Variants in USP39 observed in about 807,000 individuals in gnomAD.
USP39 encodes ubiquitin specific peptidase 39.
Under a neutral mutation model 66.4 loss-of-function variants are expected in USP39, and 38 were observed. The ratio of observed to expected loss-of-function variants is 0.57; its 90% CI spans 0.44 to 0.75. The LOEUF (loss-of-function observed/expected upper bound fraction) is 0.75. Ranked by LOEUF, USP39 falls within the 30% of genes least tolerant of loss-of-function variation. The pLI, the probability that USP39 is intolerant of heterozygous loss-of-function variation, is 0.00. For missense variants in USP39, 608 were observed against 714.4 expected, an observed-to-expected ratio of 0.85 and a Z score of 1.70; for synonymous variants, 303 against 274.6, an observed-to-expected ratio of 1.10 and a Z score of -1.02.
chr2:85,619,139 T>G, intron 1 of USP39, 81 bp from the exon 2 acceptor site: 1 of 1,485,992 alleles, frequency 6.7e-7, no homozygotes, highest in Non-Finnish European at 9.3e-7. Context: ...TTTTTCCCAT[T>G]TCTGTTTCTT....
At chr2:85,616,663 T>C (rs1673992323) in intron 1 of USP39, among the ~76,000 whole-genome samples, 200 bp downstream of exon 1, 1 of 142,972 alleles carries the variant, frequency 7.0e-6, no homozygotes, top group South Asian at 2.2e-4. Context: ...AATAATCGTA[T>C]AGTATTTCTT....
At chr2:85,633,215 A>AG (rs1297059267) in intron 6 of USP39, among the ~76,000 whole-genome samples, 1 of 151,684 alleles carries the variant, frequency 6.6e-6, no homozygotes, top group East Asian at 1.9e-4. Context: ...CTGTCTCCCC[A>AG]GTTCAAGCTA....
intron 9 of USP39, chr2:85,639,714 TG>T (rs1676083469): frequency 4.9e-6 from 1 of 203,278 alleles, no homozygotes; most frequent in Non-Finnish European, 1.0e-5. Flanking sequence ...CCCAAAGTGC[TG>T]GGATTACAGG....
chr2:85,639,285 T>G lies in USP39; in HGVS notation c.1178T>G (p.Leu393Arg), dbSNP rs770765564. 6.2e-7 allele frequency: 1 copy of G among 1,614,016 alleles called. No homozygotes were observed. The highest frequency in any genetic ancestry group is 8.5e-7 in the Non-Finnish European group (1 of 1,180,018). ...GAGTCCACTTTTATGTACCTGACGC[T>G]GGACCTTCCTACTGCCCCCCTCTAC... is the stretch of plus-strand genomic sequence containing the variant. ...MVESTFMYLT[L>R]DLPTAPLYKD... The change falls in exon 9 of 13, where the codon CTG becomes CGG. Residue 393 changes from leucine to arginine, a missense_variant. Physicochemically the swap from Leu to Arg is moderately radical, Grantham distance 102. This residue lies in a region of USP39 where 164 missense variants were observed against 250.3 expected (regional missense o/e 0.66). Transcript: ENST00000323701.
In USP39 at chr2:85,645,299, CAG is replaced by C. The variant is rs905415270; in HGVS notation, c.1563+217_1563+218del. On this transcript the variant is annotated intron_variant, in intron 11 of 12. Transcript: ENST00000323701. ...GAGCTTTTTTTTTTTTTTTTTGAGACAGGGTCTCGCTCTGTAGCCCAGGCTGG... is the reference window on the plus strand; with the variant it reads ...GAGCTTTTTTTTTTTTTTTTTGAGACGGTCTCGCTCTGTAGCCCAGGCTGG... The C allele has an allele frequency of 6.1e-6, 3 of 490,360 alleles. No individual in the cohort carries two copies. In the African/African-American group the frequency reaches 6.2e-5, roughly 10 times the overall value. 30.4% of individuals were successfully genotyped at this position (490,360 alleles called of 1,614,324 possible). A position where few individuals can be genotyped will look rare whatever the true frequency, so the allele number is the denominator to read the frequency against.
chr2:85,637,712 GTTT>G (rs1223287409), intron 8 of USP39, among the ~76,000 whole-genome samples: 1 of 152,118 alleles, frequency 6.6e-6, no homozygotes, highest in Non-Finnish European at 1.5e-5. Flanking sequence ...CTTTCTTTTT[GTTT>G]TTCTTAGTCT....
chr2:85,624,452 ACTTTTACTTCAGCTTCCCAAGTAG>A (rs1161787796), intron 4 of USP39, among the ~76,000 whole-genome samples: 1 of 151,774 alleles, frequency 6.6e-6, no homozygotes, highest in African/African-American at 2.4e-5. Context: ...TTCAAGTGAT[ACTTTTACTTCAGCTTCCCAAGTAG>A]CTAGGACTGT....
chr2:85,609,783 C>T (rs540785894), upstream of USP39, among the ~76,000 whole-genome samples: 10 of 152,136 alleles, frequency 6.6e-5, no homozygotes, highest in South Asian at 2.1e-4. Flanking sequence ...CAGGTTCAAG[C>T]GATTCTCCTG....
chr2:85,625,274 C>T (rs1341161294), intron 4 of USP39, among the ~76,000 whole-genome samples: 2 of 152,166 alleles, frequency 1.3e-5, no homozygotes, highest in Non-Finnish European at 2.9e-5. Context: ...AGTCAGTTTT[C>T]ATGAGTTGAC....
upstream of USP39, among the ~76,000 whole-genome samples, chr2:85,613,982 A>G (rs1673748822): frequency 6.6e-6 from 1 of 151,752 alleles, no homozygotes; most frequent in South Asian, 2.1e-4. Context: ...TGCCAAGGCT[A>G]GTCTTGAACT....
chr2:85,604,872 GA>G (rs1471455565), intron 1 of USP39, among the ~76,000 whole-genome samples: 1 of 152,244 alleles, frequency 6.6e-6, no homozygotes, highest in Non-Finnish European at 1.5e-5. Flanking sequence ...GTTCTAACAT[GA>G]TGTGGGGGCA....
intron 5 of USP39, among the ~76,000 whole-genome samples, chr2:85,628,206 C>A (rs752603802): frequency 6.6e-6 from 1 of 152,028 alleles, no homozygotes; most frequent in Non-Finnish European, 1.5e-5. Context: ...AATGCAGTGT[C>A]ACAATCTCAG....
At chr2:85,609,031 C>T, upstream of USP39, 2 of 1,614,204 alleles carry the variant, frequency 1.2e-6, no homozygotes, top group Non-Finnish European at 1.7e-6. Context: ...GGCGTGTGTG[C>T]CGACACCTTC....
chr2:85,611,803 G>A, upstream of USP39: 3 of 1,610,008 alleles, frequency 1.9e-6, no homozygotes, highest in South Asian at 1.1e-5. Flanking sequence ...GGAGCCGAGC[G>A]GGAGTCAGGG....
At chr2:85,609,165 A>G, upstream of USP39, 1 of 1,505,264 alleles carries the variant, frequency 6.6e-7, no homozygotes, top group East Asian at 2.3e-5. Flanking sequence ...CATTTAGCTC[A>G]AGGCTTTTTG....
At chr2:85,632,266 T>C (rs1332329351) in intron 6 of USP39, among the ~76,000 whole-genome samples, 2 of 152,016 alleles carry the variant, frequency 1.3e-5, no homozygotes, top group African/African-American at 4.8e-5. Flanking sequence ...GAAATAGTTA[T>C]GTAGAAAGGT....
At chr2:85,620,077 C>G (rs1401273385) in intron 2 of USP39, among the ~76,000 whole-genome samples, 23 of 151,680 alleles carry the variant, frequency 1.5e-4, no homozygotes, top group Admixed American at 9.2e-4. Flanking sequence ...AGGCTGACCT[C>G]AAACTCCTGA....
rs748672042 is a variant in USP39 at position 85,623,680 on chromosome 2, T to C, written c.468T>C (p.Ser156=). Residue 156 remains serine (S), a synonymous_variant, in exon 4 of 13, where the codon AGT becomes AGC. Transcript: ENST00000323701. ...RGLKSHAYIH[S]VQFSHHVFLN... ...TGAAGTCTCACGCCTACATTCACAG[T>C]GTCCAGTTTAGCCACCATGTTTTCC... The C allele has an allele frequency of 3.7e-6, 6 of 1,613,864 alleles. No individual in the cohort carries two copies. The highest frequency in any genetic ancestry group is 1.1e-5 in the South Asian group (1 of 91,000).
chr2:85,647,674 CA>C (rs1231950376), intron 11 of USP39, among the ~76,000 whole-genome samples: 1 of 145,222 alleles, frequency 6.9e-6, no homozygotes, highest in African/African-American at 2.5e-5. Flanking sequence ...AAAAAAAAAA[CA>C]AAAAAACAAC....
Sources: gnomAD v4.1 joint callset for allele counts (sites outside exome capture counted in the v4.1 genomes callset) on GRCh38, gnomAD v4.1.1 for gene constraint, gnomAD v4.1.1 regional missense constraint, MANE v1.5 for transcripts, NCBI Gene and HGNC (gene_info 2026-07-23, HGNC 2026-07-21) for gene names.